IRS1: variants seen among roughly 807,000 people sequenced by gnomAD.
The protein encoded by IRS1 is insulin receptor substrate 1.
IRS1 carries 34 observed loss-of-function variants against 65.6 expected under a neutral mutation model. That is an observed-to-expected ratio of 0.52 (90% CI 0.39 to 0.69). The LOEUF (loss-of-function observed/expected upper bound fraction) is 0.69. Ranked by LOEUF, IRS1 falls within the 30% of genes least tolerant of loss-of-function variation. IRS1 has a pLI of 0.00. For synonymous variants in IRS1, 699 were observed against 683.5 expected (o/e 1.02, Z -0.35); for missense variants, 1,641 against 1,720.2 (o/e 0.95, Z 0.81).
chr2:226,746,394 C>T (rs1372673872), intron 1 of IRS1, among the ~76,000 whole-genome samples: 2 of 152,078 alleles, frequency 1.3e-5, no homozygotes, highest in Admixed American at 6.5e-5. Context: ...CCAGTCAATG[C>T]TGCTTGAGTA....
rs576319159 is a variant in IRS1 at position 226,799,263 on chromosome 2, C to T, written c.-525G>A. The T allele has an allele frequency of 2.5e-4, 291 of 1,151,676 alleles. 2 individuals are homozygous for T. In the South Asian group the frequency reaches 4.7e-3, roughly 18 times the overall value. 71.3% of individuals were successfully genotyped at this position (1,151,676 alleles called of 1,614,324 possible). ...AAGTCCCAACGTTGCACGGGGTTCT[C>T]CCTCCTCCTTCGCCTCCTCCCACCC... On this transcript the variant is annotated 5_prime_UTR_variant, in exon 1 of 2. Transcript: ENST00000305123. This position sits in a 1 kb window ranked among gnomAD's most constrained non-coding sequence, Gnocchi z 6.1.
At chr2:226,743,174 A>C (rs565893729) in intron 1 of IRS1, among the ~76,000 whole-genome samples, 25 of 152,242 alleles carry the variant, frequency 1.6e-4, no homozygotes, top group African/African-American at 2.4e-4. Context: ...AAAAAACAAA[A>C]AAAAAAAGTC....
Position 226,796,612 on chromosome 2 carries a change from A to T in IRS1, c.2127T>A (p.His709Gln). ...CTGGGGGTTTGGGGTGAGGCAAGAC[A>T]TGAGAGTGGTGGCCCCCTACCCCGT... is the stretch of plus-strand genomic sequence containing the variant. ...WTNGVGGHHS[H>Q]VLPHPKPPVE... The change falls in exon 1 of 2, where the codon CAT becomes CAA. Residue 709 changes from histidine (H) to glutamine (Q), a missense_variant. By Grantham distance (24) the His-to-Gln change is conservative. This residue lies in a region of IRS1 where 1,324 missense variants were observed against 1,361.0 expected (regional missense o/e 0.97). Coordinates refer to ENST00000305123, the MANE Select transcript of IRS1 (RefSeq NM_005544.3). 6.2e-7 allele frequency: 1 copy of T among 1,614,006 alleles called. No individual in the cohort carries two copies. The highest frequency in any genetic ancestry group is 8.5e-7 in the Non-Finnish European group (1 of 1,179,922).
chr2:226,736,154 G>A lies in IRS1; in HGVS notation c.*118C>T, dbSNP rs1442090540. 1 of 152,548 alleles carries A rather than the reference G, an allele frequency of 6.6e-6. No individual in the cohort carries two copies. The highest frequency in any genetic ancestry group is 1.5e-5 in the Non-Finnish European group (1 of 68,028). 9.4% of individuals were successfully genotyped at this position (152,548 alleles called of 1,614,324 possible). A position where few individuals can be genotyped will look rare whatever the true frequency, so the allele number is the denominator to read the frequency against. ...GATGCATCGTACCATCTACTGATGA[G>A]GAAGATATGAGGTCCTAGTTGTGAA... On this transcript the variant is annotated 3_prime_UTR_variant, in exon 2 of 2. Coordinates refer to ENST00000305123, the MANE Select transcript of IRS1 (RefSeq NM_005544.3).
chr2:226,764,464 G>GCC (rs571980508), intron 1 of IRS1, among the ~76,000 whole-genome samples: 35 of 152,124 alleles, frequency 2.3e-4, no homozygotes, highest in Non-Finnish European at 8.8e-5. Context: ...GATCACTCAA[G>GCC]TCGAGGAGTG....
At chr2:226,758,101 A>C (rs1938842353) in intron 1 of IRS1, among the ~76,000 whole-genome samples, 1 of 152,196 alleles carries the variant, frequency 6.6e-6, no homozygotes, top group African/African-American at 2.4e-5. Flanking sequence ...ATGGATTAAA[A>C]AGTGGAGAGA....
At chr2:226,758,907 T>C (rs1230971746) in intron 1 of IRS1, among the ~76,000 whole-genome samples, 6 of 152,244 alleles carry the variant, frequency 3.9e-5, no homozygotes, top group African/African-American at 1.4e-4. Flanking sequence ...GTACTGTCTT[T>C]CAAGACCTTC....
intron 1 of IRS1, among the ~76,000 whole-genome samples, chr2:226,766,145 ATATATATATATATATATATTTTT>A (rs1380584284): frequency 5.3e-4 from 2 of 3,768 alleles, no homozygotes; most frequent in South Asian, 0.013. Context: ...ATATATATAT[ATATATATATATATATATATTTTT>A]TTTTTTTTTT....
intron 1 of IRS1, among the ~76,000 whole-genome samples, chr2:226,779,518 A>C (rs1939340793): frequency 6.6e-6 from 1 of 152,260 alleles, no homozygotes; most frequent in African/African-American, 2.4e-5. Context: ...CATATCTATA[A>C]GGACACACAT....
At position 226,739,237 on chromosome 2, in the gene IRS1, G is replaced by C. The variant is rs1167816485; in HGVS notation, c.*22-2987C>G. ...GTCCTGATCAACACTTGTCTCAAAA[G>C]GGAAAGTCTGAAGTTCACACCTGTT... On this transcript the variant is annotated intron_variant, in intron 1 of 1. Transcript: ENST00000305123. 2.0e-5 allele frequency among the ~76,000 whole-genome samples: 3 copies of C among 152,182 alleles called. 1 individual carries two copies. Among genetic ancestry groups the C allele is most frequent in the African/African-American group, 7.2e-5 (3 of 41,446 alleles).
chr2:226,764,057 T>C (rs1177526228), intron 1 of IRS1, among the ~76,000 whole-genome samples: 1 of 150,696 alleles, frequency 6.6e-6, no homozygotes, highest in African/African-American at 2.5e-5. Context: ...GAAAAATGGA[T>C]CATGGATAAA....
chr2:226,757,458 A>C (rs1031985005), intron 1 of IRS1, among the ~76,000 whole-genome samples: 4 of 151,730 alleles, frequency 2.6e-5, no homozygotes, highest in African/African-American at 9.7e-5. Context: ...CTACTAAAAA[A>C]TACAAAAATT....
chr2:226,781,187 C>G (rs112994235), intron 1 of IRS1, among the ~76,000 whole-genome samples: 13 of 152,230 alleles, frequency 8.5e-5, no homozygotes, highest in African/African-American at 2.6e-4. Context: ...TGGGCATTTT[C>G]TTTGGTCAAT....
chr2:226,786,567 C>T (rs539586405), intron 1 of IRS1, among the ~76,000 whole-genome samples: 17 of 150,658 alleles, frequency 1.1e-4, no homozygotes, highest in African/African-American at 3.9e-4. Context: ...AAACAAAACC[C>T]AGCAGTGATG....
At chr2:226,764,216 C>T (rs555813381) in intron 1 of IRS1, among the ~76,000 whole-genome samples, 1 of 151,712 alleles carries the variant, frequency 6.6e-6, no homozygotes, top group South Asian at 2.1e-4. Context: ...ATCGAAGGAT[C>T]ACTAATGGAA....
chr2:226,766,398 A>C (rs1939049759), intron 1 of IRS1, among the ~76,000 whole-genome samples: 2 of 151,222 alleles, frequency 1.3e-5, no homozygotes, highest in African/African-American at 4.9e-5. Context: ...TCCTGGCCTC[A>C]AGTGATCCAC....
rs145806509 is a variant in IRS1, at chr2:226,741,786, A to AACACACACACACACACAC, written c.*22-5554_*22-5537dup. ...CTGAATCTGGCAAATGAGCCCAGTA[A>AACACACACACACACACAC]ACACACACACACACACACACACACA... On this transcript the variant is annotated intron_variant, in intron 1 of 1. Transcript: ENST00000305123. 1.1e-4 allele frequency among the ~76,000 whole-genome samples: 15 copies of AACACACACACACACACAC among 138,538 alleles called. No individual in the cohort carries two copies. In the East Asian group the frequency reaches 2.0e-3, roughly 18 times the overall value. The allele number at this position is 138,538 out of a possible 152,430, so 90.9% of individuals were successfully genotyped here.
At chr2:226,772,146 T>C (rs1939178068) in intron 1 of IRS1, among the ~76,000 whole-genome samples, 1 of 152,142 alleles carries the variant, frequency 6.6e-6, no homozygotes, top group Non-Finnish European at 1.5e-5. Context: ...AAAAATATTT[T>C]TAATAAGGAA....
chr2:226,755,082 T>G (rs1938767062), intron 1 of IRS1, among the ~76,000 whole-genome samples: 1 of 152,234 alleles, frequency 6.6e-6, no homozygotes. Context: ...CCACACTGCA[T>G]GACCTGGTAG....
Sources: allele counts gnomAD v4.1 joint callset (sites outside exome capture counted in the v4.1 genomes callset), GRCh38; gene constraint gnomAD v4.1.1; regional missense constraint gnomAD v4.1.1; non-coding constraint Gnocchi (gnomAD v3.1); transcripts MANE v1.5; gene names NCBI Gene and HGNC (gene_info 2026-07-23, HGNC 2026-07-21).